Variants in KIF26B observed in about 807,000 individuals in gnomAD.
KIF26B encodes the protein kinesin-like protein KIF26B.
Under a neutral mutation model 151.2 loss-of-function variants are expected in KIF26B, and 63 were observed. The ratio of observed to expected loss-of-function variants is 0.42; its 90% CI spans 0.34 to 0.51. The LOEUF is 0.51. Ranked by LOEUF, KIF26B falls within the 20% of genes least tolerant of loss-of-function variation. The probability of loss-of-function intolerance (pLI) is 0.07; values close to 1 mark genes in which losing one functional copy is unlikely to be tolerated. For synonymous variants in KIF26B, 1,357 were observed against 1,262.1 expected (o/e 1.08, Z -1.59); for missense variants, 2,813 against 2,913.6 (o/e 0.97, Z 0.79).
At chr1:245,487,987 C>A (rs1369999621) in intron 4 of KIF26B, among the ~76,000 whole-genome samples, 2 of 152,034 alleles carry the variant, frequency 1.3e-5, no homozygotes, top group Non-Finnish European at 2.9e-5. Context: ...GAGGCTTCTC[C>A]AAGTCGGCCA....
chr1:245,671,096 T>C (rs999045737), intron 10 of KIF26B, among the ~76,000 whole-genome samples: 1 of 152,180 alleles, frequency 6.6e-6, no homozygotes, highest in Admixed American at 6.5e-5. Context: ...TGAGAACATG[T>C]GATGTTTGTC....
intron 2 of KIF26B, among the ~76,000 whole-genome samples, chr1:245,336,675 C>T (rs1672240631): frequency 2.0e-5 from 3 of 152,216 alleles, no homozygotes; most frequent in African/African-American, 7.2e-5. Context: ...CCTGCTTTTT[C>T]CTATACATAC....
At chr1:245,442,818 G>A (rs1181047939) in intron 4 of KIF26B, among the ~76,000 whole-genome samples, 1 of 103,334 alleles carries the variant, frequency 9.7e-6, no homozygotes, top group Non-Finnish European at 2.0e-5. Flanking sequence ...TTCACCTACA[G>A]CGGTCATCTC....
At chr1:245,214,827 C>T (rs1669611958) in intron 2 of KIF26B, among the ~76,000 whole-genome samples, 1 of 151,982 alleles carries the variant, frequency 6.6e-6, no homozygotes, top group South Asian at 2.1e-4. Context: ...GTTACAAGAG[C>T]AAAACTCCGT....
intron 4 of KIF26B, among the ~76,000 whole-genome samples, chr1:245,463,182 G>A (rs924829963): frequency 2.0e-5 from 3 of 152,158 alleles, no homozygotes; most frequent in Non-Finnish European, 4.4e-5. Context: ...GAGTGCTCCC[G>A]GCCGCCCTTC....
chr1:245,701,469 G>A (rs563252580), intron 14 of KIF26B, among the ~76,000 whole-genome samples: 57 of 152,226 alleles, frequency 3.7e-4, no homozygotes, highest in African/African-American at 1.3e-3. Context: ...TCTCCTTCCA[G>A]CTCTAGTCCT....
chr1:245,516,444 A>G lies in KIF26B; in HGVS notation c.1167-24323A>G, dbSNP rs1408730712. Among the ~76,000 whole-genome samples, 3 of 152,180 alleles carry G rather than the reference A, an allele frequency of 2.0e-5. No homozygotes were observed. In the East Asian group the frequency reaches 5.8e-4, roughly 29 times the overall value. The stretch of plus-strand genomic sequence containing the variant: ...CTACTAGGCAGCTCTGTAGGGCTGT[A>G]TGTATTGATATCACATGCGTCTATA... On this transcript the variant is annotated intron_variant, in intron 4 of 14. Transcript: ENST00000407071. The surrounding 1 kb of genome is among the most constrained non-coding windows in gnomAD (Gnocchi z 4.2).
rs1205145635 is a variant in KIF26B, at chr1:245,709,247, T to C, written c.*6641T>C. 1.3e-5 allele frequency: 2 copies of C among 152,322 alleles called. No individual in the cohort carries two copies. The highest frequency in any genetic ancestry group is 3.9e-4 in the East Asian group (2 of 5,180). The allele number at this position is 152,322 out of a possible 1,614,324, so 9.4% of individuals were successfully genotyped here. A position where few individuals can be genotyped will look rare whatever the true frequency, so the allele number is the denominator to read the frequency against. On this transcript the variant is annotated 3_prime_UTR_variant, in exon 15 of 15. Transcript: ENST00000407071. ...AGAACAGTCCAGAAAAAAAGAGTTA[T>C]AGTTCTCACAAACTGGTGACATGAA...
intron 4 of KIF26B, among the ~76,000 whole-genome samples, chr1:245,539,145 C>T (rs1271030410): frequency 6.6e-6 from 1 of 152,160 alleles, no homozygotes; most frequent in African/African-American, 2.4e-5. Flanking sequence ...ATATCTCTTC[C>T]CCCTGTATTT....
rs530122211 is a variant in KIF26B at position 245,408,332 on chromosome 1, A to G, written c.1000-11247A>G. 1.1e-3 allele frequency among the ~76,000 whole-genome samples: 171 copies of G among 150,532 alleles called. 2 individuals are homozygous for G. The highest frequency in any genetic ancestry group is 2.1e-3 in the Non-Finnish European group (141 of 67,702). On this transcript the variant is annotated intron_variant, in intron 3 of 14. Transcript: ENST00000407071. The stretch of plus-strand genomic sequence containing the variant: ...ATCCTAATTATGATCACTCATTCAA[A>G]TGATTCTTAAATGATTCTTTTTTTT...
At chr1:245,620,445 G>A (rs2043645600) in intron 9 of KIF26B, among the ~76,000 whole-genome samples, 1 of 151,998 alleles carries the variant, frequency 6.6e-6, no homozygotes, top group Non-Finnish European at 1.5e-5. Flanking sequence ...TGTCACCCAG[G>A]CTGAAGTGCA....
chr1:245,369,029 T>C (rs1454423745), intron 3 of KIF26B, among the ~76,000 whole-genome samples: 1 of 152,032 alleles, frequency 6.6e-6, no homozygotes, highest in Non-Finnish European at 1.5e-5. Flanking sequence ...TGTCAGCTAC[T>C]TGGGAGGCTG....
intron 2 of KIF26B, among the ~76,000 whole-genome samples, chr1:245,312,831 A>G (rs1305838840): frequency 2.6e-5 from 4 of 152,182 alleles, no homozygotes; most frequent in African/African-American, 9.6e-5. Context: ...AAACACTACC[A>G]TAATAGTATC....
intron 4 of KIF26B, among the ~76,000 whole-genome samples, chr1:245,426,872 C>A (rs1328083558): frequency 1.3e-5 from 2 of 152,226 alleles, no homozygotes; most frequent in Non-Finnish European, 2.9e-5. Context: ...AGAAGCAACT[C>A]AGATAGCGCC....
intron 9 of KIF26B, among the ~76,000 whole-genome samples, chr1:245,639,872 G>A (rs925368555): frequency 1.3e-5 from 2 of 151,520 alleles, no homozygotes; most frequent in African/African-American, 4.8e-5. Context: ...ATGTTTTGTG[G>A]CCTATCATAT....
chr1:245,156,409 G>T lies in KIF26B; in HGVS notation c.191G>T (p.Gly64Val). The change falls in exon 2 of 15, where the codon GGC becomes GTC. Residue 64 changes from glycine (G) to valine (V), a missense_variant. Around this residue, in one of 3 missense-constraint regions of KIF26B, gnomAD observed 676 missense variants for 688.1 expected, o/e 0.98. Coordinates refer to ENST00000407071, the MANE Select transcript of KIF26B (RefSeq NM_018012.4). The stretch of plus-strand genomic sequence containing the variant: ...CCTGAGGGCGCGGGCTCAGCGCTCG[G>T]CTCCTCGGGGACCCCGTCTCCCGGC... ...PTPEGAGSAL[G>V]SSGTPSPGSG... The T allele has an allele frequency of 2.0e-6, 3 of 1,534,420 alleles. No individual in the cohort carries two copies. Among genetic ancestry groups the T allele is most frequent in the Non-Finnish European group, 8.8e-7 (1 of 1,142,286 alleles).
chr1:245,579,852 GAA>G (rs113159653), intron 5 of KIF26B, among the ~76,000 whole-genome samples: 35 of 106,854 alleles, frequency 3.3e-4, no homozygotes, highest in Non-Finnish European at 5.0e-4. Context: ...TCATCTCAAA[GAA>G]AAAAAAAAAA....
intron 5 of KIF26B, among the ~76,000 whole-genome samples, chr1:245,547,585 CAAAAAAAAAA>C (rs56218217): frequency 8.7e-6 from 1 of 114,624 alleles, no homozygotes; most frequent in Admixed American, 1.0e-4. Flanking sequence ...GACTCCATCT[CAAAAAAAAAA>C]AAAAAAAAAA....
In KIF26B at chr1:245,464,283, A is replaced by G. The variant is rs367612352; in HGVS notation, c.1166+44538A>G. On this transcript the variant is annotated intron_variant, in intron 4 of 14. Coordinates refer to ENST00000407071, the MANE Select transcript of KIF26B (RefSeq NM_018012.4). The stretch of plus-strand genomic sequence containing the variant: ...GCAGTGAGGGGTGAGTCGATGTCTC[A>G]GGAGAGGATGGCCCAGACCTAGGTA... 7.4e-4 allele frequency among the ~76,000 whole-genome samples: 112 copies of G among 152,346 alleles called. 1 individual carries two copies. Among genetic ancestry groups the G allele is most frequent in the African/African-American group, 2.5e-3 (104 of 41,584 alleles).
Sources: allele counts gnomAD v4.1 joint callset (sites outside exome capture counted in the v4.1 genomes callset), GRCh38; gene constraint gnomAD v4.1.1; regional missense constraint gnomAD v4.1.1; non-coding constraint Gnocchi (gnomAD v3.1); transcripts MANE v1.5; gene names NCBI Gene and HGNC (gene_info 2026-07-23, HGNC 2026-07-21).